WDR7: variants seen among roughly 807,000 people sequenced by gnomAD.
WDR7 encodes WD repeat domain 7, also known as WD repeat-containing protein 7.
Under a neutral mutation model 169.4 loss-of-function variants are expected in WDR7, and 46 were observed. That is an observed-to-expected ratio of 0.27 (90% CI 0.21 to 0.35). WDR7 has a LOEUF of 0.35. Ranked by LOEUF, WDR7 falls within the 10% of genes least tolerant of loss-of-function variation. The pLI is 1.00. For synonymous variants in WDR7, 612 were observed against 666.8 expected (o/e 0.92, Z 1.27); for missense variants, 1,534 against 1,859.3 (o/e 0.83, Z 3.22).
chr18:56,872,716 T>C (rs970874664), intron 20 of WDR7: 2 of 152,148 alleles, frequency 1.3e-5, no homozygotes, highest in South Asian at 4.2e-4. Flanking sequence ...ATTAATTTTC[T>C]TACTGTGATA....
Position 56,694,553 on chromosome 18 carries a change from G to T in WDR7, c.967-66G>T, listed in dbSNP as rs558998095. 127 of 1,491,070 alleles carry T rather than the reference G, an allele frequency of 8.5e-5. No homozygotes were observed. The East Asian group carries it at 2.9e-3, about 34-fold the overall frequency. The allele number at this position is 1,491,070 out of a possible 1,614,324, so 92.4% of individuals were successfully genotyped here. A position where few individuals can be genotyped will look rare whatever the true frequency, so the allele number is the denominator to read the frequency against. ...ATTACCTAATATCTTTGTTTGAAAA[G>T]CATTAATGTGTGAAATATTTTGATT... On this transcript the variant is annotated intron_variant, in intron 9 of 27. Transcript: ENST00000254442.
chr18:57,036,259 T>A, the WDR7 span: 37 of 152,360 alleles, frequency 2.4e-4, no homozygotes, highest in Admixed American at 1.6e-3. Context: ...CACTGTGGTA[T>A]GCATTCACTC....
intron 6 of WDR7, among the ~76,000 whole-genome samples, chr18:56,686,555 A>G (rs1472924824): frequency 6.6e-6 from 1 of 152,138 alleles, no homozygotes; most frequent in East Asian, 1.9e-4. Flanking sequence ...TTAAAAAAGC[A>G]CATATAGCTA....
chr18:56,946,810 T>C (rs1417284066), intron 25 of WDR7, among the ~76,000 whole-genome samples: 2 of 152,228 alleles, frequency 1.3e-5, no homozygotes, highest in African/African-American at 4.8e-5. Flanking sequence ...GATTATTTTC[T>C]ACAATAAAAA....
At chr18:57,011,463 A>G (rs1258034229) in intron 26 of WDR7, among the ~76,000 whole-genome samples, 1 of 150,624 alleles carries the variant, frequency 6.6e-6, no homozygotes, top group Non-Finnish European at 1.5e-5. Flanking sequence ...TCTATTTTCC[A>G]TTAAGATGTT....
chr18:56,679,285 T>C (rs1464573997), intron 2 of WDR7, 47 bp from the exon 3 acceptor site: 1 of 1,505,268 alleles, frequency 6.6e-7, no homozygotes, highest in Non-Finnish European at 9.2e-7. Context: ...AATAGAAGGT[T>C]AATTTTTAAG....
At chr18:56,848,388 C>G (rs2045596557) in intron 20 of WDR7, among the ~76,000 whole-genome samples, 1 of 152,094 alleles carries the variant, frequency 6.6e-6, no homozygotes, top group African/African-American at 2.4e-5. Flanking sequence ...GTAGAAGGAA[C>G]TTGGCTTGAG....
At chr18:57,017,226 G>GC (rs2048217989) in intron 26 of WDR7, among the ~76,000 whole-genome samples, 1 of 152,224 alleles carries the variant, frequency 6.6e-6, no homozygotes, top group African/African-American at 2.4e-5. Flanking sequence ...CACCTCTCGG[G>GC]CTGAGATTGT....
In WDR7 at chr18:57,029,775, TAAAAC is replaced by T. The variant is rs2048421771; in HGVS notation, c.*2571_*2575del. On this transcript the variant is annotated 3_prime_UTR_variant, in exon 28 of 28. Coordinates refer to ENST00000254442, the MANE Select transcript of WDR7 (RefSeq NM_015285.3). ...TTCCTGTGTACATATGTGTGTTAAA[TAAAAC>T]AATTGTATTGAAGACTGTTTTTCTC... 1 of 152,236 alleles carries T rather than the reference TAAAAC, an allele frequency of 6.6e-6. No individual in the cohort carries two copies. The highest frequency in any genetic ancestry group is 6.5e-5 in the Admixed American group (1 of 15,290). The allele number at this position is 152,236 out of a possible 1,614,324, so 9.4% of individuals were successfully genotyped here.
chr18:57,031,470 GCCAGTGGTGC>G (rs2048441009), downstream of WDR7: 1 of 152,172 alleles, frequency 6.6e-6, no homozygotes, highest in African/African-American at 2.4e-5. Context: ...AAACTAAGAA[GCCAGTGGTGC>G]CCATACCTGC....
At chr18:56,987,195 A>G (rs552979134) in intron 26 of WDR7, among the ~76,000 whole-genome samples, 1 of 150,178 alleles carries the variant, frequency 6.7e-6, no homozygotes, top group East Asian at 2.0e-4. Flanking sequence ...GTCTTTGGAC[A>G]TTCAGAACCA....
In WDR7 at chr18:56,731,535, A is replaced by G. The variant is rs1185338185; in HGVS notation, c.1927A>G (p.Met643Val). 3 of 1,614,152 alleles carry G rather than the reference A, an allele frequency of 1.9e-6. No individual in the cohort carries two copies. The highest frequency in any genetic ancestry group is 1.7e-6 in the Non-Finnish European group (2 of 1,180,022). The change falls in exon 14 of 28, where the codon ATG becomes GTG. Residue 643 changes from methionine (M) to valine (V), a missense_variant. Coordinates refer to ENST00000254442, the MANE Select transcript of WDR7 (RefSeq NM_015285.3). ...TRRSLAALKNMAHHKLQTLAT... is the reference protein window; with the variant it reads ...TRRSLAALKNVAHHKLQTLAT... ...ACGTAGTCTTGCTGCTCTTAAAAAT[A>G]TGGCCCATCATAAGCTACAAACCCT... is the stretch of plus-strand genomic sequence containing the variant.
chr18:56,890,983 C>T (rs1188738303), intron 21 of WDR7: 1 of 152,152 alleles, frequency 6.6e-6, no homozygotes, highest in African/African-American at 2.4e-5. Flanking sequence ...TCTTCCTATT[C>T]AGAAAGCCAG....
At chr18:56,937,308 C>G (rs1183706041) in intron 23 of WDR7, among the ~76,000 whole-genome samples, 1 of 152,022 alleles carries the variant, frequency 6.6e-6, no homozygotes, top group African/African-American at 2.4e-5. Context: ...AGGAGGATGG[C>G]TTAAGCCTAG....
At chr18:56,769,261 C>T (rs1296852824) in intron 16 of WDR7, among the ~76,000 whole-genome samples, 1 of 150,800 alleles carries the variant, frequency 6.6e-6, no homozygotes, top group Non-Finnish European at 1.5e-5. Context: ...ACTCTCTTGT[C>T]CAGGCTGGAC....
At chr18:57,018,918 T>C (rs948539587) in intron 26 of WDR7, among the ~76,000 whole-genome samples, 9 of 152,248 alleles carry the variant, frequency 5.9e-5, no homozygotes, top group African/African-American at 2.2e-4. Context: ...GAAAGGCTTT[T>C]TTCCTGCCTG....
chr18:56,711,087 G>T (rs2026076958), intron 12 of WDR7, among the ~76,000 whole-genome samples: 1 of 149,258 alleles, frequency 6.7e-6, no homozygotes, highest in African/African-American at 2.5e-5. Flanking sequence ...AGGGTTATTA[G>T]TGTTTGAGCT....
intron 21 of WDR7, among the ~76,000 whole-genome samples, chr18:56,889,421 G>A (rs1490034523): frequency 6.6e-6 from 1 of 152,152 alleles, no homozygotes; most frequent in Non-Finnish European, 1.5e-5. Flanking sequence ...CTGTTTGCCA[G>A]ACATTTTGCT....
Position 56,672,660 on chromosome 18 carries a change from T to A in WDR7, c.145T>A (p.Ser49Thr). The A allele has an allele frequency of 6.2e-7, 1 of 1,608,660 alleles. No individual in the cohort carries two copies. The highest frequency in any genetic ancestry group is 8.5e-7 in the Non-Finnish European group (1 of 1,177,944). The change falls in exon 2 of 28, where the codon TCA becomes ACA. Residue 49 changes from serine to threonine, a missense_variant. By Grantham distance (58) the Ser-to-Thr change is moderately conservative (BLOSUM62 1). Transcript: ENST00000254442. The part of the protein sequence containing the change: ...HDGQICLWDL[S>T]VELQINPRAL... ...CGGACAAATATGTCTCTGGGATCTT[T>A]CAGTAGAACTGCAAGTGAGTATGTG... is the stretch of plus-strand genomic sequence containing the variant.
Sources: gnomAD v4.1 joint callset for allele counts (sites outside exome capture counted in the v4.1 genomes callset) on GRCh38, gnomAD v4.1.1 for gene constraint, MANE v1.5 for transcripts, NCBI Gene and HGNC (gene_info 2026-07-23, HGNC 2026-07-21) for gene names.